SNED1: variants seen among roughly 807,000 people sequenced by gnomAD.
The protein encoded by SNED1 is sushi, nidogen and EGF like domains 1.
SNED1 carries 81 observed loss-of-function variants against 166.7 expected under a neutral mutation model. That is an observed-to-expected ratio of 0.49 (90% CI 0.41 to 0.58). The LOEUF (loss-of-function observed/expected upper bound fraction) is 0.58. SNED1 is among the 20% of genes least tolerant of loss of function. The probability of loss-of-function intolerance (pLI) is 0.00; values close to 1 mark genes in which losing one functional copy is unlikely to be tolerated. For synonymous variants in SNED1, 762 were observed against 822.0 expected, an observed-to-expected ratio of 0.93 and a Z score of 1.25; for missense variants, 1,604 against 2,000.2, an observed-to-expected ratio of 0.80 and a Z score of 3.78.
In SNED1 at chr2:241,068,325, A is replaced by AC. The variant is rs2062550219; in HGVS notation, c.3194+382dup. On this transcript the variant is annotated intron_variant, in intron 22 of 31. Coordinates refer to ENST00000310397, the MANE Select transcript of SNED1 (RefSeq NM_001080437.3). The surrounding 1 kb of genome is among the most constrained non-coding windows in gnomAD (Gnocchi z 5.3). Reference sequence around the variant, plus strand: ...AGCTCTCCCAGGAGTCCCACAGTGGACCCCTCAGAGAGCAGCGGCCAGCGA... The same window carrying AC: ...AGCTCTCCCAGGAGTCCCACAGTGGACCCCCTCAGAGAGCAGCGGCCAGCGA... Among the ~76,000 whole-genome samples the AC allele has an allele frequency of 1.5e-5, 2 of 135,656 alleles. No homozygotes were observed. Among genetic ancestry groups the AC allele is most frequent in the South Asian group, 4.6e-4 (2 of 4,370 alleles). 89.0% of individuals were successfully genotyped at this position (135,656 alleles called of 152,430 possible). A position where few individuals can be genotyped will look rare whatever the true frequency, so the allele number is the denominator to read the frequency against.
Position 241,070,644 on chromosome 2 carries a change from G to T in SNED1, c.3589+443G>T, listed in dbSNP as rs1314222499. On this transcript the variant is annotated intron_variant, in intron 24 of 31. Coordinates refer to ENST00000310397, the MANE Select transcript of SNED1 (RefSeq NM_001080437.3). ...GCAAGGCAGGCAGGAATGCTGGGGA[G>T]CAGAGGCACAGGGCAGAAGCCGCTC... Among the ~76,000 whole-genome samples, 4 of 152,226 alleles carry T rather than the reference G, an allele frequency of 2.6e-5. No individual in the cohort carries two copies. In the East Asian group the frequency reaches 7.7e-4, roughly 29 times the overall value.
chr2:241,070,113 A>C lies in SNED1; in HGVS notation c.3501A>C (p.Gly1167=). 1 of 1,612,762 alleles carries C rather than the reference A, an allele frequency of 6.2e-7. No homozygotes were observed. The highest frequency in any genetic ancestry group is 8.5e-7 in the Non-Finnish European group (1 of 1,179,836). ...ASYTVRDLLP[G]RRYQLSVIAV... ...ACACGGTGCGCGACCTGCTGCCGGGACGGCGGTACCAGCTCTCTGTGATAG... is the reference window on the plus strand; with the variant it reads ...ACACGGTGCGCGACCTGCTGCCGGGCCGGCGGTACCAGCTCTCTGTGATAG... Residue 1167 remains glycine (G), a synonymous_variant, in exon 24 of 32, where the codon GGA becomes GGC. Transcript: ENST00000310397.
At chr2:241,035,412 T>C (rs2061318605) in intron 4 of SNED1, 1 of 152,112 alleles carries the variant, frequency 6.6e-6, no homozygotes, top group Admixed American at 6.5e-5. Context: ...AGCAGAGCCA[T>C]AGATGGTAGC....
rs1203452567 is a variant in SNED1, at chr2:241,054,091, G to A, written c.2257+765G>A. The stretch of plus-strand genomic sequence containing the variant: ...CGTGGTCTCAGGCGAAGGGTTCTGG[G>A]AACACCTGGCTTCAAGCATCCCTCC... On this transcript the variant is annotated intron_variant, in intron 16 of 31. Coordinates refer to ENST00000310397, the MANE Select transcript of SNED1 (RefSeq NM_001080437.3). 1.3e-4 allele frequency among the ~76,000 whole-genome samples: 19 copies of A among 151,716 alleles called. 1 individual carries two copies. Among genetic ancestry groups the A allele is most frequent in the Admixed American group, 1.2e-3 (19 of 15,242 alleles).
In SNED1 at chr2:241,044,709, A is replaced by AGG. The variant is rs1302221176; in HGVS notation, c.1274-3606_1274-3605insGG. Among the ~76,000 whole-genome samples the AGG allele has an allele frequency of 6.5e-4, 99 of 152,320 alleles. 1 individual carries two copies. Among genetic ancestry groups the AGG allele is most frequent in the African/African-American group, 2.2e-3 (92 of 41,564 alleles). On this transcript the variant is annotated intron_variant, in intron 8 of 31. Transcript: ENST00000310397. ...AGTTGGGGAATCCTCAAGTGCCCTTAAACTGCGAAGGAAGAAACCTTCCTC... is the reference window on the plus strand; with the variant it reads ...AGTTGGGGAATCCTCAAGTGCCCTTAGGAACTGCGAAGGAAGAAACCTTCCTC...
intron 1 of SNED1, among the ~76,000 whole-genome samples, chr2:241,028,442 C>T (rs1401194812): frequency 1.3e-5 from 2 of 152,104 alleles, no homozygotes; most frequent in African/African-American, 2.4e-5. Context: ...TAGGTTTTGG[C>T]TCTATATTGA....
intron 29 of SNED1, among the ~76,000 whole-genome samples, chr2:241,083,645 T>G (rs1033975085): frequency 1.3e-5 from 2 of 152,218 alleles, no homozygotes; most frequent in African/African-American, 2.4e-5. Context: ...GTATCTGCCA[T>G]CTTCCCGCTG....
chr2:241,064,733 G>C lies in SNED1; in HGVS notation c.2600-111G>C, dbSNP rs556342090. ...AGGCAGTAGCTGTCCTGTGCCCCCCGCCCCTCCACACCCACGCAGGAGGGA... is the reference window on the plus strand; with the variant it reads ...AGGCAGTAGCTGTCCTGTGCCCCCCCCCCCTCCACACCCACGCAGGAGGGA... On this transcript the variant is annotated intron_variant, in intron 19 of 31. Coordinates refer to ENST00000310397, the MANE Select transcript of SNED1 (RefSeq NM_001080437.3). The surrounding 1 kb of genome is among the most constrained non-coding windows in gnomAD (Gnocchi z 7.0). The C allele has an allele frequency of 1.9e-5, 14 of 718,876 alleles. No homozygotes were observed. The Middle Eastern group carries it at 1.5e-3, about 76-fold the overall frequency. 44.5% of individuals were successfully genotyped at this position (718,876 alleles called of 1,614,324 possible). A position where few individuals can be genotyped will look rare whatever the true frequency, so the allele number is the denominator to read the frequency against.
In SNED1 at chr2:241,082,309, C is replaced by T. The variant is rs2063366472; in HGVS notation, c.4066C>T (p.Leu1356=). Residue 1356 remains leucine, a synonymous_variant, in exon 29 of 32, where the codon CTG becomes TTG. Transcript: ENST00000310397. ...CIKVSRPCTR[L]FSETKAFPVW... ...AAAGGTGTCCCGCCCCTGCACAAGG[C>T]TGTTCTCCGAGACAAAGGCCTTTCC... 1 of 1,613,556 alleles carries T rather than the reference C, an allele frequency of 6.2e-7. No individual in the cohort carries two copies. The highest frequency in any genetic ancestry group is 8.5e-7 in the Non-Finnish European group (1 of 1,179,576).
chr2:241,017,469 G>T (rs910640035), intron 1 of SNED1, among the ~76,000 whole-genome samples: 5 of 152,192 alleles, frequency 3.3e-5, no homozygotes, highest in African/African-American at 1.2e-4. Context: ...CCAAGGCGAC[G>T]GTTCATCCCT....
chr2:241,007,731 G>A lies in SNED1; in HGVS notation c.213+8681G>A, dbSNP rs545736870. On this transcript the variant is annotated intron_variant, in intron 1 of 31. Coordinates refer to ENST00000310397, the MANE Select transcript of SNED1 (RefSeq NM_001080437.3). ...TGTTGCCTATTTCTTTCAATGTTACGCCACGAGCATTTACCCATGCCCTAA... is the reference window on the plus strand; with the variant it reads ...TGTTGCCTATTTCTTTCAATGTTACACCACGAGCATTTACCCATGCCCTAA... 8.9e-4 allele frequency among the ~76,000 whole-genome samples: 136 copies of A among 152,152 alleles called. 1 individual carries two copies. In the Middle Eastern group the frequency reaches 0.01, roughly 11 times the overall value.
rs569423416 is a variant in SNED1 at position 241,048,670 on chromosome 2, G to A, written c.1408G>A (p.Asp470Asn). ...MGLDCRERVP[D>N]DCECRNGGRC... is the part of the protein sequence containing the mutation. ...CCCTCTCTTCGTGGCAGGAGTCCCC[G>A]ATGACTGTGAGTGCCGCAACGGAGG... is the stretch of plus-strand genomic sequence containing the variant. Residue 470 changes from aspartate to asparagine, a missense_variant, in exon 10 of 32, where the codon GAT becomes AAT. Coordinates refer to ENST00000310397, the MANE Select transcript of SNED1 (RefSeq NM_001080437.3). The A allele has an allele frequency of 4.0e-5, 65 of 1,609,774 alleles. No individual in the cohort carries two copies. Among genetic ancestry groups the A allele is most frequent in the Non-Finnish European group, 5.4e-5 (64 of 1,178,398 alleles).
At chr2:241,031,307 G>T (rs946438982) in intron 2 of SNED1, among the ~76,000 whole-genome samples, 1 of 152,138 alleles carries the variant, frequency 6.6e-6, no homozygotes, top group Non-Finnish European at 1.5e-5. Context: ...TAGGATTACA[G>T]GCATGCATCA....
At position 241,068,715 on chromosome 2, in the gene SNED1, A is replaced by G. The variant is rs1185903648; in HGVS notation, c.3195-196A>G. Among the ~76,000 whole-genome samples, 1 of 151,896 alleles carries G rather than the reference A, an allele frequency of 6.6e-6. No homozygotes were observed. Among genetic ancestry groups the G allele is most frequent in the Non-Finnish European group, 1.5e-5 (1 of 67,986 alleles). ...CCGATCCTCCTCCGCTGCCCGGACTATGGGTTGGCTTCCCGCCCTAGGAGC... is the reference window on the plus strand; with the variant it reads ...CCGATCCTCCTCCGCTGCCCGGACTGTGGGTTGGCTTCCCGCCCTAGGAGC... On this transcript the variant is annotated intron_variant, in intron 22 of 31. Coordinates refer to ENST00000310397, the MANE Select transcript of SNED1 (RefSeq NM_001080437.3). The surrounding 1 kb of genome is among the most constrained non-coding windows in gnomAD (Gnocchi z 5.3).
intron 27 of SNED1, among the ~76,000 whole-genome samples, chr2:241,078,198 C>T (rs560291900): frequency 5.3e-5 from 8 of 150,892 alleles, no homozygotes; most frequent in African/African-American, 1.5e-4. Flanking sequence ...GTCTGGCCAA[C>T]GCGGTGAAAC....
chr2:241,063,818 A>T, intron 18 of SNED1, 118 bp downstream of exon 18: 2 of 686,768 alleles, frequency 2.9e-6, no homozygotes, highest in Non-Finnish European at 4.5e-6. Flanking sequence ...AGGGACCCCC[A>T]GGGCTGCGGC....
At chr2:241,060,486 C>A (rs982420215) in intron 16 of SNED1, among the ~76,000 whole-genome samples, 9 of 152,064 alleles carry the variant, frequency 5.9e-5, no homozygotes, top group Non-Finnish European at 1.2e-4. Context: ...CCGTCCCTAA[C>A]TATAAACTTC....
chr2:241,085,860 CTTTTTTTTTTTTTT>C (rs772995766), intron 29 of SNED1, among the ~76,000 whole-genome samples: 1 of 79,160 alleles, frequency 1.3e-5, no homozygotes, highest in South Asian at 4.7e-4. Context: ...TCTGCGGTTT[CTTTTTTTTTTTTTT>C]TTTTTTTTTT....
chr2:241,025,256 T>G (rs532420268), intron 1 of SNED1, among the ~76,000 whole-genome samples: 28 of 152,330 alleles, frequency 1.8e-4, no homozygotes, highest in African/African-American at 6.3e-4. Flanking sequence ...TAATACCTGA[T>G]GATCTGAGAT....
Sources: gnomAD v4.1 joint callset for allele counts (sites outside exome capture counted in the v4.1 genomes callset) on GRCh38, gnomAD v4.1.1 for gene constraint, Gnocchi (gnomAD v3.1) non-coding constraint, MANE v1.5 for transcripts, NCBI Gene and HGNC (gene_info 2026-07-23, HGNC 2026-07-21) for gene names.